Variants in ZRANB3 observed in about 807,000 individuals in gnomAD.
ZRANB3 encodes the protein DNA annealing helicase and endonuclease ZRANB3.
ZRANB3 carries 125 observed loss-of-function variants against 133.8 expected under a neutral mutation model. That is an observed-to-expected ratio of 0.93 (90% CI 0.81 to 1.08). The LOEUF (loss-of-function observed/expected upper bound fraction) is 1.08. Among genes scored for constraint, ZRANB3 ranks in the 50% least tolerant of loss-of-function variants. The probability of loss-of-function intolerance (pLI) is 0.00; values close to 1 mark genes in which losing one functional copy is unlikely to be tolerated. For synonymous variants in ZRANB3, 387 were observed against 432.7 expected (o/e 0.89, Z 1.31); for missense variants, 1,229 against 1,275.5 (o/e 0.96, Z 0.56).
At chr2:135,237,150 C>G (rs1401762109) in intron 12 of ZRANB3, among the ~76,000 whole-genome samples, 1 of 152,094 alleles carries the variant, frequency 6.6e-6, no homozygotes, top group Non-Finnish European at 1.5e-5. Flanking sequence ...AGACACTTCT[C>G]AAAAGAAGAC....
At chr2:135,273,809 T>C (rs755309340) in intron 9 of ZRANB3, among the ~76,000 whole-genome samples, 6 of 152,154 alleles carry the variant, frequency 3.9e-5, no homozygotes, top group Non-Finnish European at 8.8e-5. Flanking sequence ...AGTGCTGGGA[T>C]TACAGGTGTG....
At chr2:135,287,870 C>T (rs1481343980) in intron 8 of ZRANB3, among the ~76,000 whole-genome samples, 1 of 152,002 alleles carries the variant, frequency 6.6e-6, no homozygotes, top group Non-Finnish European at 1.5e-5. Context: ...ACGATCTTAT[C>T]ATTGGCAAAC....
intron 2 of ZRANB3, among the ~76,000 whole-genome samples, chr2:135,483,980 T>C (rs1018332713): frequency 6.6e-6 from 1 of 152,102 alleles, no homozygotes; most frequent in Non-Finnish European, 1.5e-5. Context: ...TGAGAGAGAG[T>C]TTGTTATAAT....
intron 2 of ZRANB3, among the ~76,000 whole-genome samples, chr2:135,431,549 A>G (rs1689324185): frequency 6.6e-6 from 1 of 152,144 alleles, no homozygotes; most frequent in Non-Finnish European, 1.5e-5. Flanking sequence ...GGGAGAAGAT[A>G]TAATAGCTGA....
chr2:135,254,652 TC>T (rs1679563747), intron 12 of ZRANB3, among the ~76,000 whole-genome samples: 1 of 152,100 alleles, frequency 6.6e-6, no homozygotes, highest in African/African-American at 2.4e-5. Flanking sequence ...TGAGATATAA[TC>T]CATATACCAT....
At chr2:135,234,329 C>A (rs1695186761) in intron 12 of ZRANB3, among the ~76,000 whole-genome samples, 2 of 152,060 alleles carry the variant, frequency 1.3e-5, no homozygotes, top group Admixed American at 1.3e-4. Context: ...ACTTAGTCTC[C>A]CACACAATAA....
chr2:135,438,505 CAA>C (rs1157022707), intron 2 of ZRANB3, among the ~76,000 whole-genome samples: 3,517 of 74,818 alleles, frequency 0.047, 120 homozygotes, highest in African/African-American at 0.13. Context: ...AACCCCGTCT[CAA>C]AAAAAAAAAA....
chr2:135,523,798 C>T (rs552283983), intron 1 of ZRANB3, among the ~76,000 whole-genome samples: 1 of 152,274 alleles, frequency 6.6e-6, no homozygotes, highest in Admixed American at 6.5e-5. Context: ...TCAGTAGATG[C>T]TCAGTAAATA....
intron 1 of ZRANB3, among the ~76,000 whole-genome samples, chr2:135,510,075 A>G (rs1402547812): frequency 6.6e-6 from 1 of 152,218 alleles, no homozygotes; most frequent in Non-Finnish European, 1.5e-5. Flanking sequence ...GTGACTCTCA[A>G]AGAAGTAACA....
intron 19 of ZRANB3, 148 bp from the exon 20 acceptor site, chr2:135,203,111 A>C: frequency 1.1e-6 from 1 of 933,662 alleles, no homozygotes; most frequent in Admixed American, 2.8e-5. Context: ...TATTGTGAGT[A>C]GAAAAAACCC....
chr2:135,518,071 G>A lies in ZRANB3; in HGVS notation c.-8+13056C>T, dbSNP rs182059213. On this transcript the variant is annotated intron_variant, in intron 1 of 20. Coordinates refer to ENST00000264159, the MANE Select transcript of ZRANB3 (RefSeq NM_032143.4). ...TTGTTTACACCGTGAGGGGAAAACC[G>A]CCTACTCAAGCCTCAGTAATGGCAA... 3.9e-4 allele frequency among the ~76,000 whole-genome samples: 60 copies of A among 152,188 alleles called. No homozygotes were observed. In the East Asian group the frequency reaches 9.7e-3, roughly 25 times the overall value.
chr2:135,350,702 C>T (rs1685165571), intron 4 of ZRANB3, among the ~76,000 whole-genome samples: 1 of 152,164 alleles, frequency 6.6e-6, no homozygotes, highest in African/African-American at 2.4e-5. Context: ...CAGGGCTGTT[C>T]AGTGCACCGC....
intron 12 of ZRANB3, among the ~76,000 whole-genome samples, chr2:135,261,803 T>A (rs1679977666): frequency 6.6e-6 from 1 of 152,166 alleles, no homozygotes; most frequent in Admixed American, 6.6e-5. Flanking sequence ...TATATATTTT[T>A]AAAATAGCTA....
At chr2:135,530,128 G>C (rs903027032) in intron 1 of ZRANB3, among the ~76,000 whole-genome samples, 5 of 150,934 alleles carry the variant, frequency 3.3e-5, no homozygotes, top group African/African-American at 1.2e-4. Flanking sequence ...TCCGGAGGCT[G>C]AGACAGGAGA....
At chr2:135,283,348 C>T (rs561493990) in intron 8 of ZRANB3, among the ~76,000 whole-genome samples, 2 of 150,904 alleles carry the variant, frequency 1.3e-5, no homozygotes, top group East Asian at 2.0e-4. Context: ...CGGTGGCTCA[C>T]GCCTGTAATC....
chr2:135,316,967 GAAAAAA>G (rs36092486), intron 6 of ZRANB3, among the ~76,000 whole-genome samples: 1 of 98,124 alleles, frequency 1.0e-5, no homozygotes, highest in Admixed American at 1.1e-4. Context: ...TCCGTCTCGA[GAAAAAA>G]AAAAAAAAAA....
rs866983421 is a variant in ZRANB3, at chr2:135,252,071, T to G, written c.1539+13463A>C. Among the ~76,000 whole-genome samples, 8 of 152,170 alleles carry G rather than the reference T, an allele frequency of 5.3e-5. No individual in the cohort carries two copies. In the South Asian group the frequency reaches 1.7e-3, roughly 32 times the overall value. ...GAAACAAACAAACAAAAAAACCCTC[T>G]TTTTCTTCCCAGTCTCAGGTATGTC... On this transcript the variant is annotated intron_variant, in intron 12 of 20. Coordinates refer to ENST00000264159, the MANE Select transcript of ZRANB3 (RefSeq NM_032143.4).
intron 3 of ZRANB3, among the ~76,000 whole-genome samples, chr2:135,382,044 C>T (rs766041602): frequency 2.0e-5 from 3 of 152,036 alleles, no homozygotes; most frequent in Non-Finnish European, 2.9e-5. Flanking sequence ...CAAACTTCTT[C>T]GAGCTAAAGG....
At chr2:135,274,843 C>G (rs987787009) in intron 9 of ZRANB3, among the ~76,000 whole-genome samples, 5 of 152,148 alleles carry the variant, frequency 3.3e-5, no homozygotes, top group African/African-American at 1.2e-4. Flanking sequence ...GAGCATGCTG[C>G]CTTCAAGCAT....
Sources: allele counts gnomAD v4.1 joint callset (sites outside exome capture counted in the v4.1 genomes callset), GRCh38; gene constraint gnomAD v4.1.1; transcripts MANE v1.5; gene names NCBI Gene and HGNC (gene_info 2026-07-23, HGNC 2026-07-21).